The following ADARB1 variants were observed in gnomAD, a reference collection of about 807,000 sequenced individuals.
ADARB1 encodes double-stranded RNA-specific editase 1.
In ADARB1, 10 loss-of-function variants were observed where a neutral mutation model predicts 52.4. The ratio of observed to expected loss-of-function variants is 0.19; its 90% CI spans 0.12 to 0.32. The LOEUF is 0.32. ADARB1 is among the 10% of genes least tolerant of loss of function. The pLI is 1.00. For synonymous variants in ADARB1, 349 were observed against 371.1 expected (o/e 0.94, Z 0.68); for missense variants, 643 against 922.3 (o/e 0.70, Z 3.92).
At position 45,134,321 on chromosome 21, in the gene ADARB1, C is replaced by CGG. The variant is rs755619835; in HGVS notation, c.-48+5750_-48+5751dup. ...GCCCGACAGTGGTGTGTGCGCCCGCCGGGTGTGTGCCCGACAGTGGTGTGT... is the reference window on the plus strand; with the variant it reads ...GCCCGACAGTGGTGTGTGCGCCCGCCGGGGGTGTGTGCCCGACAGTGGTGTGT... On this transcript the variant is annotated intron_variant, in intron 2 of 10. Transcript: ENST00000348831. Among the ~76,000 whole-genome samples the CGG allele has an allele frequency of 4.6e-4, 8 of 17,286 alleles. 1 individual carries two copies. In the South Asian group the frequency reaches 7.3e-3, roughly 16 times the overall value. 11.3% of individuals were successfully genotyped at this position (17,286 alleles called of 152,430 possible).
At chr21:45,205,620 C>T (rs560783032) in intron 9 of ADARB1, among the ~76,000 whole-genome samples, 2 of 152,320 alleles carry the variant, frequency 1.3e-5, no homozygotes, top group South Asian at 2.1e-4. Flanking sequence ...CACCTACCCT[C>T]GATTCCCTTC....
At chr21:45,075,080 T>C (rs9977825) in intron 1 of ADARB1, among the ~76,000 whole-genome samples, 109,345 of 150,950 alleles carry the variant, frequency 0.72, 40,330 homozygotes, top group East Asian at 0.88. Context: ...TGCGCCGCGC[T>C]GCGCCGCGGG....
chr21:45,191,396 A>T (rs1233186488), intron 8 of ADARB1, among the ~76,000 whole-genome samples: 2 of 152,190 alleles, frequency 1.3e-5, no homozygotes, highest in Non-Finnish European at 2.9e-5. Flanking sequence ...TTTCTCCATG[A>T]TGTACAGTTT....
chr21:45,079,576 G>C (rs2086074338), intron 1 of ADARB1, among the ~76,000 whole-genome samples: 1 of 152,162 alleles, frequency 6.6e-6, no homozygotes, highest in Non-Finnish European at 1.5e-5. Flanking sequence ...GGGTCATTGT[G>C]CAGCTACTTC....
Position 45,222,885 on chromosome 21 carries a change from G to A in ADARB1, c.*688G>A, listed in dbSNP as rs180797047. On this transcript the variant is annotated 3_prime_UTR_variant, in exon 11 of 11. Transcript: ENST00000348831. ...TCCCGCAGCAGTGACTGTGTGTCCT[G>A]CAGAGGCGTGACCCAGGCCCCTGTA... 2.1e-5 allele frequency: 21 copies of A among 985,498 alleles called. No homozygotes were observed. In the African/African-American group the frequency reaches 3.5e-4, roughly 16 times the overall value. 61.0% of individuals were successfully genotyped at this position (985,498 alleles called of 1,614,324 possible). A position where few individuals can be genotyped will look rare whatever the true frequency, so the allele number is the denominator to read the frequency against.
chr21:45,171,794 G>A (rs775752092), intron 3 of ADARB1, 110 bp downstream of exon 3: 48 of 1,004,422 alleles, frequency 4.8e-5, no homozygotes, highest in East Asian at 2.2e-4. Flanking sequence ...GTTTTTTCCC[G>A]TAACATCTTC....
intron 8 of ADARB1, among the ~76,000 whole-genome samples, chr21:45,196,515 T>C (rs1028596220): frequency 6.6e-6 from 1 of 152,206 alleles, no homozygotes; most frequent in Non-Finnish European, 1.5e-5. Flanking sequence ...TAAAAATTAC[T>C]TCTTTCAAAA....
At chr21:45,217,926 G>C (rs2092898267) in intron 9 of ADARB1, among the ~76,000 whole-genome samples, 2 of 152,134 alleles carry the variant, frequency 1.3e-5, no homozygotes, top group Admixed American at 6.5e-5. Flanking sequence ...AGTAAGAAAT[G>C]TGTTGTTATC....
At chr21:45,111,554 C>T (rs1416940282) in intron 1 of ADARB1, among the ~76,000 whole-genome samples, 1 of 152,178 alleles carries the variant, frequency 6.6e-6, no homozygotes, top group Non-Finnish European at 1.5e-5. Context: ...CGATATGGAT[C>T]CATCCTTACA....
chr21:45,193,495 G>A (rs1555915814), intron 8 of ADARB1, among the ~76,000 whole-genome samples: 4 of 151,894 alleles, frequency 2.6e-5, no homozygotes, highest in Admixed American at 2.6e-4. Flanking sequence ...AAGATTGTCT[G>A]CTCTCCCCAC....
intron 2 of ADARB1, among the ~76,000 whole-genome samples, chr21:45,169,170 G>A (rs555223230): frequency 3.9e-4 from 60 of 152,344 alleles, no homozygotes; most frequent in African/African-American, 1.4e-3. Flanking sequence ...TCATGACTCT[G>A]CACTGTGGCG....
Position 45,172,107 on chromosome 21 carries a change from G to A in ADARB1, c.28+423G>A, listed in dbSNP as rs2091505551. Among the ~76,000 whole-genome samples, 1 of 152,054 alleles carries A rather than the reference G, an allele frequency of 6.6e-6. No individual in the cohort carries two copies. Among genetic ancestry groups the A allele is most frequent in the Non-Finnish European group, 1.5e-5 (1 of 68,010 alleles). ...ATTTCCCTTCAAAATGCAGGTTCTCGCTGCATTTTGAAGGAAGGGGATTCA... is the reference window on the plus strand; with the variant it reads ...ATTTCCCTTCAAAATGCAGGTTCTCACTGCATTTTGAAGGAAGGGGATTCA... On this transcript the variant is annotated intron_variant, in intron 3 of 10. Coordinates refer to ENST00000348831, the MANE Select transcript of ADARB1 (RefSeq NM_001112.4). This position sits in a 1 kb window ranked among gnomAD's most constrained non-coding sequence, Gnocchi z 4.4.
At chr21:45,095,446 T>C (rs2086718319) in intron 1 of ADARB1, among the ~76,000 whole-genome samples, 1 of 152,216 alleles carries the variant, frequency 6.6e-6, no homozygotes, top group Non-Finnish European at 1.5e-5. Flanking sequence ...TGCCCCCTTT[T>C]TCTGTTAGCT....
intron 1 of ADARB1, among the ~76,000 whole-genome samples, chr21:45,078,093 C>T (rs1292441478): frequency 6.6e-6 from 1 of 152,012 alleles, no homozygotes; most frequent in Non-Finnish European, 1.5e-5. Context: ...CTGCTTGCTG[C>T]ACTTTTCCAC....
rs989891881 is a variant in ADARB1 at position 45,200,011 on chromosome 21, A to G, written c.1566-4544A>G. 1.3e-5 allele frequency among the ~76,000 whole-genome samples: 2 copies of G among 152,244 alleles called. No individual in the cohort carries two copies. The highest frequency in any genetic ancestry group is 1.9e-4 in the East Asian group (1 of 5,198). The stretch of plus-strand genomic sequence containing the variant: ...TGATAGAACCTAGCATGGGTGGGCC[A>G]AGAAATAGCAAATGGCCAGAAAAGT... On this transcript the variant is annotated intron_variant, in intron 8 of 10. Coordinates refer to ENST00000348831, the MANE Select transcript of ADARB1 (RefSeq NM_001112.4). This position sits in a 1 kb window ranked among gnomAD's most constrained non-coding sequence, Gnocchi z 5.0.
At chr21:45,143,788 C>T (rs418680) in intron 2 of ADARB1, among the ~76,000 whole-genome samples, 3,572 of 152,300 alleles carry the variant, frequency 0.023, 49 homozygotes, top group Non-Finnish European at 0.03. Context: ...AGCTGTCTTA[C>T]GGCCAGCTTC....
chr21:45,169,887 T>A (rs1245579090), intron 2 of ADARB1, among the ~76,000 whole-genome samples: 1 of 152,184 alleles, frequency 6.6e-6, no homozygotes, highest in Non-Finnish European at 1.5e-5. Flanking sequence ...TTGACGAGCA[T>A]GTCCTCATTT....
intron 9 of ADARB1, among the ~76,000 whole-genome samples, chr21:45,211,166 T>A (rs535020451): frequency 6.6e-6 from 1 of 152,360 alleles, no homozygotes; most frequent in South Asian, 2.1e-4. Flanking sequence ...CCCAGCCATC[T>A]TGCTCTGTAC....
At position 45,222,946 on chromosome 21, in the gene ADARB1, G is replaced by A. The variant is rs2092991237; in HGVS notation, c.*749G>A. The A allele has an allele frequency of 8.1e-6, 8 of 985,362 alleles. No homozygotes were observed. Among genetic ancestry groups the A allele is most frequent in the Non-Finnish European group, 9.6e-6 (8 of 829,946 alleles). The allele number at this position is 985,362 out of a possible 1,614,324, so 61.0% of individuals were successfully genotyped here. ...TCCTCTAGAAGCTTCTGTACTCCTT[G>A]TAGGATCAGATCATGGAAAACTTTT... On this transcript the variant is annotated 3_prime_UTR_variant, in exon 11 of 11. Transcript: ENST00000348831.
Sources: allele counts gnomAD v4.1 joint callset (sites outside exome capture counted in the v4.1 genomes callset), GRCh38; gene constraint gnomAD v4.1.1; non-coding constraint Gnocchi (gnomAD v3.1); transcripts MANE v1.5; gene names NCBI Gene and HGNC (gene_info 2026-07-23, HGNC 2026-07-21).